KDM7A: variants seen among roughly 807,000 people sequenced by gnomAD.
KDM7A encodes lysine demethylase 7A.
In KDM7A, 28 loss-of-function variants were observed where a neutral mutation model predicts 114.8. The ratio of observed to expected loss-of-function variants is 0.24; its 90% confidence interval spans 0.18 to 0.33. KDM7A has a LOEUF of 0.33. KDM7A is among the 10% of genes least tolerant of loss of function. The pLI, the probability that KDM7A is intolerant of heterozygous loss-of-function variation, is 1.00. For synonymous variants in KDM7A, 423 were observed against 397.8 expected (o/e 1.06, Z -0.75); for missense variants, 942 against 1,142.5 (o/e 0.82, Z 2.53).
At position 140,161,554 on chromosome 7, in the gene KDM7A, T is replaced by C. The variant is rs371687605; in HGVS notation, c.194+15190A>G. Among the ~76,000 whole-genome samples, 288 of 152,236 alleles carry C rather than the reference T, an allele frequency of 1.9e-3. 1 individual carries two copies. Among genetic ancestry groups the C allele is most frequent in the African/African-American group, 5.8e-3 (243 of 41,546 alleles). ...TTTTTTCGTTTTTTTGTTTTTTTTT[T>C]CTACGGTGGGGGGGACGGAGTCTCG... On this transcript the variant is annotated intron_variant, in intron 1 of 19. Transcript: ENST00000397560.
chr7:140,142,033 A>AAAAAGATATTTATATATCATATATATAT (rs879541979), intron 1 of KDM7A, among the ~76,000 whole-genome samples: 9,112 of 146,142 alleles, frequency 0.062, 354 homozygotes, highest in Non-Finnish European at 0.085. Flanking sequence ...TTTATATATT[A>AAAAAGATATTTATATATCATATATATAT]AAAAGATATT....
chr7:140,172,007 G>A (rs1217548871), intron 1 of KDM7A, among the ~76,000 whole-genome samples: 1 of 152,114 alleles, frequency 6.6e-6, no homozygotes, highest in Non-Finnish European at 1.5e-5. Context: ...TGGTAATACT[G>A]ACTTATCTAC....
At chr7:140,121,624 G>A (rs1185389921) in intron 7 of KDM7A, among the ~76,000 whole-genome samples, 2 of 152,170 alleles carry the variant, frequency 1.3e-5, no homozygotes, top group Non-Finnish European at 2.9e-5. Context: ...TGATCTGGGA[G>A]CACTACTGGC....
intron 2 of KDM7A, among the ~76,000 whole-genome samples, chr7:140,138,135 T>G (rs914287055): frequency 1.3e-5 from 2 of 151,980 alleles, no homozygotes; most frequent in Non-Finnish European, 2.9e-5. Flanking sequence ...AAGTGAGACC[T>G]TGTCTTTACA....
At position 140,124,737 on chromosome 7, in the gene KDM7A, G is replaced by T; in HGVS notation, c.935C>A (p.Ala312Glu). Residue 312 changes from alanine (A) to glutamate (E), a missense_variant, in exon 7 of 20, where the codon GCA becomes GAA. Ala to Glu is a moderately radical substitution (Grantham distance 107, BLOSUM62 -1). Coordinates refer to ENST00000397560, the MANE Select transcript of KDM7A (RefSeq NM_030647.2). ...AGATGAACTCCAAGATTCATAACGT[G>T]CCAAATTTTCATCTGTTGGCTTTAT... ...YLIKPTDENLARYESWSSSVT... is the reference protein window; with the variant it reads ...YLIKPTDENLERYESWSSSVT... 1 of 1,611,724 alleles carries T rather than the reference G, an allele frequency of 6.2e-7. No homozygotes were observed. The highest frequency in any genetic ancestry group is 8.5e-7 in the Non-Finnish European group (1 of 1,178,570).
At chr7:140,160,047 TA>T (rs1177714352) in intron 1 of KDM7A, among the ~76,000 whole-genome samples, 1 of 151,788 alleles carries the variant, frequency 6.6e-6, no homozygotes, top group Non-Finnish European at 1.5e-5. Context: ...TTTTAGATAA[TA>T]TTTTTTATTT....
Position 140,096,936 on chromosome 7 carries a change from T to G in KDM7A, c.2128A>C (p.Ser710Arg). 2 of 1,613,948 alleles carry G rather than the reference T, an allele frequency of 1.2e-6. No individual in the cohort carries two copies. The highest frequency in any genetic ancestry group is 1.7e-6 in the Non-Finnish European group (2 of 1,179,878). Reference protein sequence around the residue: ...SNVMRNFLQKSQKPSRSEIPI... With the variant: ...SNVMRNFLQKRQKPSRSEIPI... ...ATTTCACTTCTAGATGGCTTCTGGC[T>G]CTTTTGAAGGAAGTTCCTCATCACA... Residue 710 changes from serine (S) to arginine (R), a missense_variant, in exon 16 of 20, where the codon AGC (serine) becomes CGC (arginine). Physicochemically the swap from Ser to Arg is moderately radical, Grantham distance 110 (BLOSUM62 -1). Transcript: ENST00000397560.
chr7:140,148,644 C>A (rs886645), intron 1 of KDM7A, among the ~76,000 whole-genome samples: 133,653 of 152,184 alleles, frequency 0.88, 59,042 homozygotes, highest in African/African-American at 0.97. Flanking sequence ...AATTGTTAAT[C>A]GTTTTATACA....
chr7:140,160,906 G>C (rs1437400529), intron 1 of KDM7A, among the ~76,000 whole-genome samples: 1 of 152,098 alleles, frequency 6.6e-6, no homozygotes, highest in Non-Finnish European at 1.5e-5. Context: ...AAACAGAAGG[G>C]ACTGCGTTCA....
intron 18 of KDM7A, among the ~76,000 whole-genome samples, chr7:140,092,397 G>C (rs1818037097): frequency 6.6e-6 from 1 of 152,200 alleles, no homozygotes; most frequent in African/African-American, 2.4e-5. Flanking sequence ...CTGGGGGAAT[G>C]GATCGATCTC....
intron 1 of KDM7A, among the ~76,000 whole-genome samples, chr7:140,147,605 C>G (rs962582859): frequency 6.6e-6 from 1 of 152,144 alleles, no homozygotes; most frequent in South Asian, 2.1e-4. Flanking sequence ...AGGACTGAGT[C>G]ATTGTGTACC....
intron 1 of KDM7A, among the ~76,000 whole-genome samples, chr7:140,153,034 A>G (rs942779915): frequency 5.3e-5 from 8 of 151,540 alleles, no homozygotes; most frequent in Non-Finnish European, 8.8e-5. Context: ...TAATTTTTGT[A>G]TTTTTAGTAG....
At chr7:140,122,108 T>C (rs1461494356) in intron 7 of KDM7A, among the ~76,000 whole-genome samples, 1 of 152,218 alleles carries the variant, frequency 6.6e-6, no homozygotes, top group African/African-American at 2.4e-5. Context: ...GTGATTCTGA[T>C]ATTCCAGGAA....
chr7:140,136,780 G>A (rs974946361), intron 2 of KDM7A, among the ~76,000 whole-genome samples: 5 of 151,886 alleles, frequency 3.3e-5, no homozygotes, highest in Admixed American at 1.3e-4. Flanking sequence ...TTGAGAGGCC[G>A]AGGCGAGACC....
At position 140,088,324 on chromosome 7, in the gene KDM7A, C is replaced by T. The variant is rs1817967331; in HGVS notation, c.*2770G>A. 1 of 391,094 alleles carries T rather than the reference C, an allele frequency of 2.6e-6. No homozygotes were observed. Among genetic ancestry groups the T allele is most frequent in the African/African-American group, 2.1e-5 (1 of 48,404 alleles). 24.2% of individuals were successfully genotyped at this position (391,094 alleles called of 1,614,324 possible). ...CATTGTAAATTATAATCCAATGGAT[C>T]CCAGCTGAACAGTCACTTATTTGAA... is the stretch of plus-strand genomic sequence containing the variant. On this transcript the variant is annotated 3_prime_UTR_variant, in exon 20 of 20. Transcript: ENST00000397560.
intron 7 of KDM7A, among the ~76,000 whole-genome samples, chr7:140,124,336 AC>A (rs1458418719): frequency 6.6e-6 from 1 of 152,114 alleles, no homozygotes; most frequent in Admixed American, 6.5e-5. Flanking sequence ...TCTACTAAAA[AC>A]CACTGAGCTG....
intron 12 of KDM7A, among the ~76,000 whole-genome samples, chr7:140,101,155 G>C (rs1397272691): frequency 6.6e-6 from 1 of 151,888 alleles, no homozygotes; most frequent in Non-Finnish European, 1.5e-5. Flanking sequence ...ATTTAAAATG[G>C]CTGCTTATCC....
chr7:140,176,092 G>A lies in KDM7A; in HGVS notation c.194+652C>T, dbSNP rs1347712412. Among the ~76,000 whole-genome samples the A allele has an allele frequency of 3.3e-5, 5 of 151,788 alleles. No homozygotes were observed. The highest frequency in any genetic ancestry group is 7.4e-5 in the Non-Finnish European group (5 of 67,900). Reference sequence around the variant, plus strand: ...ACCTTTCAAGTCCCCGAGAGCGAGTGCCTCATCTGTTGCTCTGTTTACTCC... The same window carrying A: ...ACCTTTCAAGTCCCCGAGAGCGAGTACCTCATCTGTTGCTCTGTTTACTCC... On this transcript the variant is annotated intron_variant, in intron 1 of 19. Transcript: ENST00000397560. The surrounding 1 kb of genome is among the most constrained non-coding windows in gnomAD (Gnocchi z 4.4).
At chr7:140,098,537 T>C (rs1375905600) in intron 14 of KDM7A, among the ~76,000 whole-genome samples, 1 of 152,230 alleles carries the variant, frequency 6.6e-6, no homozygotes, top group East Asian at 1.9e-4. Context: ...TAGCTGAACT[T>C]ACATATAAAA....
Sources: gnomAD v4.1 joint callset for allele counts (sites outside exome capture counted in the v4.1 genomes callset) on GRCh38, gnomAD v4.1.1 for gene constraint, Gnocchi (gnomAD v3.1) non-coding constraint, MANE v1.5 for transcripts, NCBI Gene and HGNC (gene_info 2026-07-23, HGNC 2026-07-21) for gene names.